Variants in ZNF624 observed in about 807,000 individuals in gnomAD.
The protein encoded by ZNF624 is zinc finger protein 624.
ZNF624 carries 43 observed loss-of-function variants against 74.7 expected under a neutral mutation model. That is an observed-to-expected ratio of 0.58 (90% CI 0.45 to 0.74). ZNF624 has a LOEUF of 0.74. Ranked by LOEUF, ZNF624 falls within the 30% of genes least tolerant of loss-of-function variation. ZNF624 has a pLI of 0.00. For synonymous variants in ZNF624, 331 were observed against 341.3 expected (o/e 0.97, Z 0.33); for missense variants, 820 against 1,030.0 (o/e 0.80, Z 2.79).
At chr17:16,629,565 AC>A (rs1909158176) in intron 5 of ZNF624, among the ~76,000 whole-genome samples, 3 of 150,920 alleles carry the variant, frequency 2.0e-5, no homozygotes, top group Non-Finnish European at 4.4e-5. Context: ...TTATTTATTT[AC>A]TTACTTACTT....
intron 5 of ZNF624, among the ~76,000 whole-genome samples, chr17:16,627,314 T>C (rs1489058634): frequency 6.6e-6 from 1 of 152,188 alleles, no homozygotes; most frequent in Non-Finnish European, 1.5e-5. Flanking sequence ...CTCATCTTTC[T>C]TGAGTGAAAG....
intron 1 of ZNF624, among the ~76,000 whole-genome samples, chr17:16,651,365 G>C (rs1909718546): frequency 6.6e-6 from 1 of 151,514 alleles, no homozygotes; most frequent in South Asian, 2.1e-4. Context: ...GGGAGGTGGA[G>C]GTTGCAGTGA....
At chr17:16,616,992 G>A (rs1908804501), downstream of ZNF624, 1 of 1,604,840 alleles carries the variant, frequency 6.2e-7, no homozygotes, top group Non-Finnish European at 8.5e-7. Context: ...AACGGGACTG[G>A]CTCCTTGATC....
At chr17:16,630,540 A>AGAG (rs1909181746) in intron 5 of ZNF624, among the ~76,000 whole-genome samples, 1 of 152,174 alleles carries the variant, frequency 6.6e-6, no homozygotes, top group African/African-American at 2.4e-5. Flanking sequence ...CTGGGCGACG[A>AGAG]GAGTGAAACT....
intron 5 of ZNF624, among the ~76,000 whole-genome samples, chr17:16,629,680 C>T (rs1398460335): frequency 1.3e-5 from 2 of 152,040 alleles, no homozygotes; most frequent in Non-Finnish European, 2.9e-5. Context: ...GATTCTTGTG[C>T]CTCTGCCTTC....
chr17:16,625,543 A>G (rs769363017), intron 5 of ZNF624, among the ~76,000 whole-genome samples: 1 of 152,172 alleles, frequency 6.6e-6, no homozygotes, highest in Non-Finnish European at 1.5e-5. Flanking sequence ...TCTCAAATTC[A>G]CTGGCAGAGT....
the ZNF624 span, among the ~76,000 whole-genome samples, chr17:16,614,443 T>C: frequency 6.6e-6 from 1 of 152,174 alleles, no homozygotes; most frequent in African/African-American, 2.4e-5. Flanking sequence ...TGAAATTATA[T>C]GGACATAATT....
intron 3 of ZNF624, among the ~76,000 whole-genome samples, chr17:16,639,824 G>C (rs1370360340): frequency 6.6e-6 from 1 of 152,160 alleles, no homozygotes; most frequent in African/African-American, 2.4e-5. Flanking sequence ...CCAGAGAGGG[G>C]AGAATCTGAT....
rs769597882 is a variant in ZNF624 at position 16,622,708 on chromosome 17, A to G, written c.2178T>C (p.Cys726=). Reference sequence around the variant, plus strand: ...GGCTAAATGCTTTCCCACAGTCATTACATTTAAATGGTTTCTCTCCAGTAT... The same window carrying G: ...GGCTAAATGCTTTCCCACAGTCATTGCATTTAAATGGTTTCTCTCCAGTAT... ...RTHTGEKPFK[C]NDCGKAFSQM... is the part of the protein sequence containing the mutation. The change falls in exon 6 of 6, where the codon TGT becomes TGC. Residue 726 remains cysteine, a synonymous_variant. Coordinates refer to ENST00000311331, the MANE Select transcript of ZNF624 (RefSeq NM_020787.4). 5.5e-5 allele frequency: 88 copies of G among 1,613,806 alleles called. No individual in the cohort carries two copies. The highest frequency in any genetic ancestry group is 2.5e-6 in the Non-Finnish European group (3 of 1,179,978).
At chr17:16,628,459 T>C (rs1909126765) in intron 5 of ZNF624, among the ~76,000 whole-genome samples, 1 of 152,130 alleles carries the variant, frequency 6.6e-6, no homozygotes, top group African/African-American at 2.4e-5. Context: ...TTGTAAAGTA[T>C]AAAATAACCA....
downstream of ZNF624, among the ~76,000 whole-genome samples, chr17:16,618,669 G>C (rs906022583): frequency 5.5e-5 from 8 of 144,524 alleles, no homozygotes; most frequent in African/African-American, 8.0e-5. Context: ...GAGACAGCAA[G>C]ACCAACCCCT....
downstream of ZNF624, chr17:16,617,969 G>C (rs1908827034): frequency 1.3e-6 from 1 of 751,652 alleles, no homozygotes; most frequent in African/African-American, 1.7e-5. Context: ...GACGGCAAGA[G>C]CCCGAACACG....
At chr17:16,640,459 A>T (rs905528892) in intron 3 of ZNF624, among the ~76,000 whole-genome samples, 3 of 152,124 alleles carry the variant, frequency 2.0e-5, no homozygotes, top group East Asian at 1.9e-4. Context: ...GAGGAAATAA[A>T]AAAGGGCAAA....
In ZNF624 at chr17:16,622,352, AAGGCTTTTCCAC is replaced by A; in HGVS notation, c.2522_2533del (p.Cys841_Ala844del). 1 of 1,612,862 alleles carries A rather than the reference AAGGCTTTTCCAC, an allele frequency of 6.2e-7. No individual in the cohort carries two copies. The highest frequency in any genetic ancestry group is 8.5e-7 in the Non-Finnish European group (1 of 1,179,482). On this transcript the variant is annotated inframe_deletion, in exon 6 of 6. Transcript: ENST00000311331. ...TACAGTAAGGCTCGAACTACTCCTG[AAGGCTTTTCCAC>A]ATTCATTACATTTATAGGGTTTTTC...
intron 3 of ZNF624, among the ~76,000 whole-genome samples, chr17:16,636,791 G>C (rs983409699): frequency 6.6e-6 from 1 of 151,702 alleles, no homozygotes; most frequent in Non-Finnish European, 1.5e-5. Context: ...AGCCGAGATT[G>C]CGCCACTGCA....
intron 5 of ZNF624, 129 bp downstream of exon 5, chr17:16,633,733 G>A (rs1274181636): frequency 4.7e-6 from 3 of 638,620 alleles, no homozygotes; most frequent in Non-Finnish European, 7.9e-6. Flanking sequence ...CAGTGAGATG[G>A]GGGATCTCTT....
chr17:16,652,770 A>G (rs570631417), intron 1 of ZNF624, among the ~76,000 whole-genome samples: 13 of 152,198 alleles, frequency 8.5e-5, no homozygotes, highest in Non-Finnish European at 1.9e-4. Flanking sequence ...ACCTATACAT[A>G]GGAGTGTGGA....
At chr17:16,616,138 CTT>C (rs57071853), downstream of ZNF624, among the ~76,000 whole-genome samples, 21 of 144,698 alleles carry the variant, frequency 1.5e-4, no homozygotes, top group South Asian at 4.4e-4. Flanking sequence ...TAGTAACTTC[CTT>C]TTTTTTTTTT....
chr17:16,624,062 G>T lies in ZNF624; in HGVS notation c.824C>A (p.Pro275His). ...LGKKSNNKEK[P>H]YKCSTCEKAF... is the part of the protein sequence containing the mutation. ...CTTTTCGCATGTACTACATTTGTAG[G>T]GTTTTTCCTTATTATTGGATTTTTT... Residue 275 changes from proline to histidine, a missense_variant, in exon 6 of 6, where the codon CCC becomes CAC. Physicochemically the swap from Pro to His is moderately conservative, Grantham distance 77. Transcript: ENST00000311331. 6.2e-7 allele frequency: 1 copy of T among 1,614,004 alleles called. No individual in the cohort carries two copies. The highest frequency in any genetic ancestry group is 1.1e-5 in the South Asian group (1 of 91,052).
Sources: allele counts gnomAD v4.1 joint callset (sites outside exome capture counted in the v4.1 genomes callset), GRCh38; gene constraint gnomAD v4.1.1; transcripts MANE v1.5; gene names NCBI Gene and HGNC (gene_info 2026-07-23, HGNC 2026-07-21).